SLC44A1: variants seen among roughly 807,000 people sequenced by gnomAD.
SLC44A1 encodes choline transporter-like protein 1.
A neutral mutation model predicts 79.3 loss-of-function variants in SLC44A1; 26 were observed. The ratio of observed to expected loss-of-function variants is 0.33; its 90% confidence interval spans 0.24 to 0.46. The LOEUF (loss-of-function observed/expected upper bound fraction) is 0.46. Ranked by LOEUF, SLC44A1 falls within the 20% of genes least tolerant of loss-of-function variation. SLC44A1 has a pLI of 1.00. For missense variants in SLC44A1, 688 were observed against 798.1 expected (o/e 0.86, Z 1.66); for synonymous variants, 263 against 286.2 (o/e 0.92, Z 0.82).
At chr9:105,411,218 GACAT>G (rs1829089971) in intron 15 of SLC44A1, among the ~76,000 whole-genome samples, 1 of 152,094 alleles carries the variant, frequency 6.6e-6, no homozygotes, top group South Asian at 2.1e-4. Context: ...TAAAAATAAA[GACAT>G]ACAGAAAAGT....
chr9:105,259,632 G>A (rs1829796177), intron 1 of SLC44A1, among the ~76,000 whole-genome samples: 2 of 152,104 alleles, frequency 1.3e-5, no homozygotes, highest in Non-Finnish European at 2.9e-5. Flanking sequence ...TTTTGCATGT[G>A]GTTTTGTATT....
In SLC44A1 at chr9:105,258,951, C is replaced by T. The variant is rs151067134; in HGVS notation, c.36+14047C>T. Among the ~76,000 whole-genome samples, 599 of 152,022 alleles carry T rather than the reference C, an allele frequency of 3.9e-3. 5 individuals carry two copies. The highest frequency in any genetic ancestry group is 0.013 in the African/African-American group (556 of 41,460). On this transcript the variant is annotated intron_variant, in intron 1 of 15. Transcript: ENST00000374720. ...AATTCCTGACCTCAGGTGATCCGCC[C>T]GCCTAGGCCTCCCAAAATGCTGGCA...
At chr9:105,437,077 G>A (rs549868390) in intron 15 of SLC44A1, among the ~76,000 whole-genome samples, 2 of 152,238 alleles carry the variant, frequency 1.3e-5, no homozygotes, top group Non-Finnish European at 2.9e-5. Context: ...TAATCAAACT[G>A]AGCCGGCCCT....
chr9:105,382,792 A>C (rs530786916), intron 13 of SLC44A1, among the ~76,000 whole-genome samples: 1 of 152,258 alleles, frequency 6.6e-6, no homozygotes, highest in East Asian at 1.9e-4. Flanking sequence ...AGAGTTTGTA[A>C]ATTTTTTCTA....
chr9:105,394,602 CTATGACAT>C lies in SLC44A1; in HGVS notation c.*5559_*5566del. On this transcript the variant is annotated 3_prime_UTR_variant, in exon 16 of 16. Transcript: ENST00000374720. Reference sequence around the variant, plus strand: ...CTTGATTCTTTTTATTGTAGCTCAGCTATGACATTATGACATTATGTGGCTTAGTGTTA... The same window carrying C: ...CTTGATTCTTTTTATTGTAGCTCAGCTATGACATTATGTGGCTTAGTGTTA... The C allele has an allele frequency of 1.0e-6, 1 of 985,104 alleles. No homozygotes were observed. The highest frequency in any genetic ancestry group is 1.2e-6 in the Non-Finnish European group (1 of 829,832). 61.0% of individuals were successfully genotyped at this position (985,104 alleles called of 1,614,324 possible). A position where few individuals can be genotyped will look rare whatever the true frequency, so the allele number is the denominator to read the frequency against.
chr9:105,344,186 T>G (rs1827180624), intron 4 of SLC44A1, among the ~76,000 whole-genome samples: 1 of 152,224 alleles, frequency 6.6e-6, no homozygotes, highest in South Asian at 2.1e-4. Flanking sequence ...AGGAATATTT[T>G]TCCTTAATTT....
chr9:105,325,928 G>A (rs1198028121), intron 3 of SLC44A1, among the ~76,000 whole-genome samples: 2 of 152,198 alleles, frequency 1.3e-5, no homozygotes, highest in East Asian at 3.8e-4. Context: ...TTTCAGAAAA[G>A]CTGATAAACT....
chr9:105,277,594 A>C (rs1830238541), intron 1 of SLC44A1, among the ~76,000 whole-genome samples: 1 of 152,206 alleles, frequency 6.6e-6, no homozygotes, highest in African/African-American at 2.4e-5. Context: ...AAACAGAATA[A>C]AATGGAAGCC....
At chr9:105,250,016 G>A (rs544102660) in intron 1 of SLC44A1, among the ~76,000 whole-genome samples, 4 of 151,354 alleles carry the variant, frequency 2.6e-5, no homozygotes, top group Admixed American at 1.3e-4. Flanking sequence ...CTATAGGCAC[G>A]AGCTCACGCC....
intron 12 of SLC44A1, among the ~76,000 whole-genome samples, chr9:105,373,292 A>G (rs1828170819): frequency 6.6e-6 from 1 of 152,202 alleles, no homozygotes; most frequent in Non-Finnish European, 1.5e-5. Flanking sequence ...CCTCAGGACC[A>G]AAAGTTTTAG....
chr9:105,288,374 G>A (rs904634779), intron 1 of SLC44A1, among the ~76,000 whole-genome samples: 5 of 151,894 alleles, frequency 3.3e-5, no homozygotes, highest in Non-Finnish European at 7.4e-5. Context: ...TTTGAGACAG[G>A]GTCTCGCTCT....
intron 1 of SLC44A1, among the ~76,000 whole-genome samples, chr9:105,255,108 T>G (rs576732003): frequency 1.3e-4 from 19 of 151,398 alleles, no homozygotes; most frequent in East Asian, 3.9e-4. Flanking sequence ...TTTGTTTTTT[T>G]TTTTTTTTAA....
intron 15 of SLC44A1, among the ~76,000 whole-genome samples, chr9:105,411,531 A>C (rs1214322070): frequency 1.4e-5 from 2 of 147,806 alleles, no homozygotes. Context: ...TGTCCCACTA[A>C]TGTTCTTTAT....
intron 15 of SLC44A1, among the ~76,000 whole-genome samples, chr9:105,432,341 C>T (rs543659128): frequency 6.6e-6 from 1 of 152,306 alleles, no homozygotes; most frequent in South Asian, 2.1e-4. Flanking sequence ...CTCTTCAAGC[C>T]ACTCCTTGCT....
At position 105,391,229 on chromosome 9, in the gene SLC44A1, C is replaced by T; in HGVS notation, c.*2173C>T. 1.0e-6 allele frequency: 1 copy of T among 985,776 alleles called. No individual in the cohort carries two copies. The highest frequency in any genetic ancestry group is 1.2e-6 in the Non-Finnish European group (1 of 829,910). The allele number at this position is 985,776 out of a possible 1,614,324, so 61.1% of individuals were successfully genotyped here. On this transcript the variant is annotated 3_prime_UTR_variant, in exon 16 of 16. Transcript: ENST00000374720. Reference sequence around the variant, plus strand: ...CCCTGCATCATGGACTGTTGCTGCTCCCTGTTCCATATGCTCGCAATCTCA... The same window carrying T: ...CCCTGCATCATGGACTGTTGCTGCTTCCTGTTCCATATGCTCGCAATCTCA...
downstream of SLC44A1, among the ~76,000 whole-genome samples, chr9:105,399,941 A>G (rs1368748897): frequency 6.6e-6 from 1 of 152,184 alleles, no homozygotes; most frequent in Non-Finnish European, 1.5e-5. Flanking sequence ...CATGCCTGTA[A>G]TCCCAGCATT....
intron 13 of SLC44A1, among the ~76,000 whole-genome samples, chr9:105,379,284 G>A (rs1393376575): frequency 6.6e-6 from 1 of 152,132 alleles, no homozygotes; most frequent in South Asian, 2.1e-4. Flanking sequence ...AAGAAAAAAA[G>A]TAAAATGACA....
intron 7 of SLC44A1, among the ~76,000 whole-genome samples, 153 bp from the exon 8 acceptor site, chr9:105,361,038 C>A (rs150451876): frequency 0.013 from 2,023 of 152,258 alleles, 43 homozygotes; most frequent in African/African-American, 0.046. Flanking sequence ...TTTATGCTGG[C>A]AAAAAGTTAT....
intron 3 of SLC44A1, among the ~76,000 whole-genome samples, chr9:105,334,131 C>T (rs1826837035): frequency 6.6e-6 from 1 of 152,124 alleles, no homozygotes; most frequent in Non-Finnish European, 1.5e-5. Context: ...AAACAGTCCA[C>T]AAAACCTACT....
Sources: gnomAD v4.1 joint callset for allele counts (sites outside exome capture counted in the v4.1 genomes callset) on GRCh38, gnomAD v4.1.1 for gene constraint, MANE v1.5 for transcripts, NCBI Gene and HGNC (gene_info 2026-07-23, HGNC 2026-07-21) for gene names.